Variants in KIF18A observed in about 807,000 individuals in gnomAD.
KIF18A encodes the protein kinesin family member 18A.
A neutral mutation model predicts 103.3 loss-of-function variants in KIF18A; 67 were observed. The ratio of observed to expected loss-of-function variants is 0.65; its 90% CI spans 0.53 to 0.79. The LOEUF (loss-of-function observed/expected upper bound fraction) is 0.79. Ranked by LOEUF, KIF18A falls within the 30% of genes least tolerant of loss-of-function variation. KIF18A has a pLI of 0.00. For missense variants in KIF18A, 1,032 were observed against 1,062.5 expected (o/e 0.97, Z 0.40); for synonymous variants, 367 against 355.5 (o/e 1.03, Z -0.36).
chr11:28,082,551 T>C (rs539115553), intron 9 of KIF18A, among the ~76,000 whole-genome samples: 2 of 152,154 alleles, frequency 1.3e-5, no homozygotes, highest in Non-Finnish European at 2.9e-5. Flanking sequence ...ATAATGCTAT[T>C]GCACACTTAA....
intron 7 of KIF18A, 25 bp from the exon 8 acceptor site, chr11:28,083,268 T>G: frequency 6.5e-7 from 1 of 1,544,348 alleles, no homozygotes; most frequent in Non-Finnish European, 8.7e-7. Flanking sequence ...AAATTATGAT[T>G]GTTTATAGAG....
chr11:28,048,896 T>C (rs1017711914), intron 13 of KIF18A, among the ~76,000 whole-genome samples: 3 of 152,038 alleles, frequency 2.0e-5, no homozygotes, highest in Non-Finnish European at 2.9e-5. Context: ...AGCTTGGAAA[T>C]TGCAGAGGCC....
chr11:28,076,414 G>A (rs1055720128), intron 10 of KIF18A: 5 of 152,102 alleles, frequency 3.3e-5, no homozygotes, highest in African/African-American at 7.2e-5. Flanking sequence ...GGTAAACTTC[G>A]TGTTAAAAGT....
chr11:28,057,081 G>A (rs1193466431), intron 13 of KIF18A, among the ~76,000 whole-genome samples: 2 of 151,742 alleles, frequency 1.3e-5, no homozygotes, highest in Admixed American at 6.6e-5. Flanking sequence ...TAGATACGAA[G>A]TGCCAAGTAA....
intron 1 of KIF18A, among the ~76,000 whole-genome samples, chr11:28,104,563 G>C (rs4367930): frequency 6.6e-6 from 1 of 152,172 alleles, no homozygotes; most frequent in African/African-American, 2.4e-5. Flanking sequence ...ATCTATCTAA[G>C]ATAGTGTCAC....
At chr11:28,099,489 G>T (rs961709322) in intron 1 of KIF18A, among the ~76,000 whole-genome samples, 3 of 152,128 alleles carry the variant, frequency 2.0e-5, no homozygotes, top group African/African-American at 7.2e-5. Flanking sequence ...GGTATGTGAG[G>T]TGATGGATAT....
chr11:28,092,403 C>T (rs1488614623), intron 3 of KIF18A, among the ~76,000 whole-genome samples: 11 of 152,098 alleles, frequency 7.2e-5, no homozygotes, highest in Admixed American at 7.2e-4. Flanking sequence ...AACTAAGACT[C>T]TGAGAGGTTA....
chr11:28,067,846 G>C (rs911318150), intron 11 of KIF18A, among the ~76,000 whole-genome samples: 2 of 152,092 alleles, frequency 1.3e-5, no homozygotes, highest in African/African-American at 4.8e-5. Flanking sequence ...CATAGCAGTT[G>C]CTCCTAGTTG....
chr11:28,075,834 T>C (rs977782898), intron 10 of KIF18A, among the ~76,000 whole-genome samples: 1 of 152,204 alleles, frequency 6.6e-6, no homozygotes, highest in Non-Finnish European at 1.5e-5. Flanking sequence ...ATAATGTGCA[T>C]TGTAATTGAC....
intron 12 of KIF18A, among the ~76,000 whole-genome samples, chr11:28,061,801 A>G (rs909558916): frequency 6.6e-6 from 1 of 152,154 alleles, no homozygotes; most frequent in African/African-American, 2.4e-5. Context: ...GGAACATCAA[A>G]GTGATGCCTA....
At chr11:28,046,357 T>G (rs1404237043) in intron 13 of KIF18A, among the ~76,000 whole-genome samples, 1 of 149,734 alleles carries the variant, frequency 6.7e-6, no homozygotes, top group Admixed American at 6.7e-5. Context: ...CATGGAAGAC[T>G]ATGCAGCCAT....
chr11:28,094,562 A>G (rs1230432847), intron 3 of KIF18A, 81 bp downstream of exon 3: 12 of 912,666 alleles, frequency 1.3e-5, no homozygotes. Flanking sequence ...TCACCGGAAA[A>G]CTCTTATATA....
chr11:28,063,514 C>G (rs562180408), intron 11 of KIF18A, among the ~76,000 whole-genome samples: 3 of 152,084 alleles, frequency 2.0e-5, no homozygotes, highest in Non-Finnish European at 4.4e-5. Flanking sequence ...TTTCCTAAGC[C>G]TCATCTGTCT....
chr11:28,054,527 T>C (rs1390972237), intron 13 of KIF18A, among the ~76,000 whole-genome samples: 1 of 152,202 alleles, frequency 6.6e-6, no homozygotes, highest in Non-Finnish European at 1.5e-5. Flanking sequence ...TTAAAAGCAC[T>C]GCATGTGTGT....
In KIF18A at chr11:28,059,061, C is replaced by G. The variant is rs754478344; in HGVS notation, c.1813G>C (p.Glu605Gln). 1.9e-6 allele frequency: 3 copies of G among 1,613,986 alleles called. No individual in the cohort carries two copies. Among genetic ancestry groups the G allele is most frequent in the Non-Finnish European group, 2.5e-6 (3 of 1,179,954 alleles). Residue 605 changes from glutamate to glutamine, a missense_variant, in exon 13 of 17, where the codon GAA becomes CAA. Physicochemically the swap from Glu to Gln is conservative, Grantham distance 29. Transcript: ENST00000263181. The part of the protein sequence containing the change: ...AAFESDFKEI[E>Q]HLVERKKVVV... Reference sequence around the variant, plus strand: ...ACTTTTTTCCTCTCTACCAAATGTTCGATCTCTTTGAAGTCAGATTCAAAA... The same window carrying G: ...ACTTTTTTCCTCTCTACCAAATGTTGGATCTCTTTGAAGTCAGATTCAAAA...
intron 3 of KIF18A, among the ~76,000 whole-genome samples, chr11:28,093,708 T>C (rs1189835990): frequency 6.6e-6 from 1 of 152,096 alleles, no homozygotes; most frequent in African/African-American, 2.4e-5. Flanking sequence ...GAGGCTGATA[T>C]AATAAGGGGA....
At chr11:28,023,214 T>C (rs986647808) in intron 16 of KIF18A, among the ~76,000 whole-genome samples, 3 of 152,154 alleles carry the variant, frequency 2.0e-5, no homozygotes, top group Non-Finnish European at 2.9e-5. Context: ...GTTGATGGAA[T>C]GTAGTATCTT....
At chr11:28,033,852 A>T (rs1850444496) in intron 15 of KIF18A, among the ~76,000 whole-genome samples, 1 of 151,704 alleles carries the variant, frequency 6.6e-6, no homozygotes, top group South Asian at 2.1e-4. Flanking sequence ...AATAACTAAG[A>T]GTATAATTAG....
intron 7 of KIF18A, 189 bp downstream of exon 7, chr11:28,084,443 T>A (rs200269661): frequency 4.9e-5 from 10 of 202,226 alleles, no homozygotes; most frequent in African/African-American, 1.8e-4. Context: ...TATATATATA[T>A]AATCAAGATG....
Sources: gnomAD v4.1 joint callset for allele counts (sites outside exome capture counted in the v4.1 genomes callset) on GRCh38, gnomAD v4.1.1 for gene constraint, MANE v1.5 for transcripts, NCBI Gene and HGNC (gene_info 2026-07-23, HGNC 2026-07-21) for gene names.